CASS4: variants seen among roughly 807,000 people sequenced by gnomAD.
The protein encoded by CASS4 is cas scaffolding protein family member 4.
A neutral mutation model predicts 54.2 loss-of-function variants in CASS4; 22 were observed. The observed-to-expected ratio is 0.41, with a 90% CI of 0.29 to 0.58. The LOEUF (loss-of-function observed/expected upper bound fraction) is 0.58, where lower values mean the gene tolerates loss of function less well. Among genes scored for constraint, CASS4 ranks in the 20% least tolerant of loss-of-function variants. CASS4 has a pLI of 0.36. For synonymous variants in CASS4, 409 were observed against 391.5 expected (o/e 1.04, Z -0.53); for missense variants, 854 against 986.7 (o/e 0.87, Z 1.80).
chr20:56,443,086 G>A (rs575598035), intron 2 of CASS4, among the ~76,000 whole-genome samples: 2 of 151,738 alleles, frequency 1.3e-5, no homozygotes, highest in African/African-American at 4.9e-5. Flanking sequence ...AAAGCTTGGT[G>A]TGTTTCTGGG....
chr20:56,451,418 G>A (rs1980989872), intron 4 of CASS4, among the ~76,000 whole-genome samples: 1 of 152,184 alleles, frequency 6.6e-6, no homozygotes, highest in Non-Finnish European at 1.5e-5. Flanking sequence ...TTACACCCAA[G>A]GTCATTAGGG....
At chr20:56,429,609 C>T (rs766705059) in intron 1 of CASS4, among the ~76,000 whole-genome samples, 2 of 152,136 alleles carry the variant, frequency 1.3e-5, no homozygotes, top group African/African-American at 2.4e-5. Context: ...GCCCCCAACA[C>T]ATACATACAC....
chr20:56,446,989 CTT>C (rs1980745436), intron 3 of CASS4, among the ~76,000 whole-genome samples: 1 of 152,164 alleles, frequency 6.6e-6, no homozygotes, highest in African/African-American at 2.4e-5. Context: ...AGGAGGATCA[CTT>C]GACACTAGGA....
chr20:56,447,764 T>A (rs957379769), intron 3 of CASS4, among the ~76,000 whole-genome samples: 2 of 152,234 alleles, frequency 1.3e-5, no homozygotes, highest in Non-Finnish European at 2.9e-5. Context: ...AGCTCTTGTG[T>A]GAGCCATGCC....
At chr20:56,416,473 G>A (rs1309826028) in intron 1 of CASS4, among the ~76,000 whole-genome samples, 3 of 152,188 alleles carry the variant, frequency 2.0e-5, no homozygotes, top group African/African-American at 7.2e-5. Flanking sequence ...CGAAAATAGA[G>A]TCTGCAATGT....
intron 1 of CASS4, among the ~76,000 whole-genome samples, chr20:56,431,445 T>C (rs1257712595): frequency 6.6e-6 from 1 of 152,220 alleles, no homozygotes; most frequent in Non-Finnish European, 1.5e-5. Context: ...CGCCATACAG[T>C]GTTTCATTCA....
chr20:56,447,496 T>C (rs1051714451), intron 3 of CASS4, among the ~76,000 whole-genome samples: 1 of 152,210 alleles, frequency 6.6e-6, no homozygotes, highest in African/African-American at 2.4e-5. Flanking sequence ...CCTGCTCACC[T>C]GGTTCTGTTG....
rs1307068785 is a variant in CASS4 at position 56,445,894 on chromosome 20, T to C, written c.460-6T>C. The C allele has an allele frequency of 6.2e-7, 1 of 1,608,566 alleles. No homozygotes were observed. The highest frequency in any genetic ancestry group is 2.2e-5 in the East Asian group (1 of 44,874). On this transcript the variant is annotated splice_region_variant and splice_polypyrimidine_tract_variant and intron_variant, in intron 2 of 5. Coordinates refer to ENST00000679887, the MANE Select transcript of CASS4 (RefSeq NM_020356.4). ...TTTTCCTCTTTTCTCCTCCTTTCTC[T>C]CCAAGGCCATCCTCACGCTTCCCAG... is the stretch of plus-strand genomic sequence containing the variant.
intron 2 of CASS4, among the ~76,000 whole-genome samples, chr20:56,444,108 C>T (rs983510588): frequency 2.0e-5 from 3 of 152,122 alleles, no homozygotes; most frequent in Admixed American, 6.5e-5. Context: ...AGATGAATGG[C>T]GGGGTGGATT....
At chr20:56,448,370 G>C (rs1294245901) in intron 3 of CASS4, among the ~76,000 whole-genome samples, 2 of 152,088 alleles carry the variant, frequency 1.3e-5, no homozygotes, top group Admixed American at 1.3e-4. Flanking sequence ...CAAGGCAACT[G>C]CTTTGCTCTC....
rs745730930 is a variant in CASS4, at chr20:56,412,798, A to G, written c.36+304A>G. ...CTGAAGCAAGATGCGAGTCTGCCTC[A>G]GCCCCCGCTAATTCCTTCTTTCTCT... On this transcript the variant is annotated intron_variant, in intron 1 of 5. Coordinates refer to ENST00000679887, the MANE Select transcript of CASS4 (RefSeq NM_020356.4). The surrounding 1 kb of genome is among the most constrained non-coding windows in gnomAD (Gnocchi z 4.2). Among the ~76,000 whole-genome samples the G allele has an allele frequency of 3.3e-5, 5 of 152,176 alleles. No homozygotes were observed. Among genetic ancestry groups the G allele is most frequent in the Non-Finnish European group, 7.3e-5 (5 of 68,028 alleles).
chr20:56,435,104 G>T (rs867232423), intron 1 of CASS4, among the ~76,000 whole-genome samples: 12 of 152,194 alleles, frequency 7.9e-5, no homozygotes, highest in Non-Finnish European at 1.5e-4. Flanking sequence ...CTGGGTGCGT[G>T]AAGGATCTGA....
intron 5 of CASS4, among the ~76,000 whole-genome samples, chr20:56,456,453 A>G (rs561638204): frequency 1.3e-5 from 2 of 151,540 alleles, no homozygotes; most frequent in African/African-American, 2.4e-5. Flanking sequence ...AGCTCATTGC[A>G]ATCTCCGCCT....
chr20:56,437,708 T>C lies in CASS4; in HGVS notation c.459+122T>C. On this transcript the variant is annotated intron_variant, in intron 2 of 5. Transcript: ENST00000679887. This position sits in a 1 kb window ranked among gnomAD's most constrained non-coding sequence, Gnocchi z 4.7. ...CACGCAAAACGGGAGCCCAGATTGC[T>C]GGCAATCACGCTCGGGGAGCTTGTG... 1.1e-6 allele frequency: 1 copy of C among 921,054 alleles called. No individual in the cohort carries two copies. The highest frequency in any genetic ancestry group is 1.6e-6 in the Non-Finnish European group (1 of 638,846). The allele number at this position is 921,054 out of a possible 1,614,324, so 57.1% of individuals were successfully genotyped here.
chr20:56,412,224 G>A (rs75067914), upstream of CASS4: 10,971 of 534,742 alleles, frequency 0.021, 162 homozygotes, highest in South Asian at 0.037. The surrounding 1 kb of genome is among the most constrained non-coding windows in gnomAD (Gnocchi z 4.2). Context: ...CGTGAGTGTG[G>A]CTTGTATTTC....
intron 1 of CASS4, among the ~76,000 whole-genome samples, chr20:56,424,118 A>T (rs1336545728): frequency 6.6e-6 from 1 of 152,218 alleles, no homozygotes; most frequent in African/African-American, 2.4e-5. Flanking sequence ...CAAGAGAAAC[A>T]ACTGTCCTTT....
rs1980471731 is a variant in CASS4 at position 56,441,787 on chromosome 20, A to G, written c.460-4113A>G. Among the ~76,000 whole-genome samples the G allele has an allele frequency of 2.0e-5, 3 of 151,986 alleles. No individual in the cohort carries two copies. The South Asian group carries it at 6.2e-4, about 32-fold the overall frequency. ...TTTGTGTTTCTCCTTCCTCCTCTGT[A>G]TAGGGAGAAGGTTGGACCCCATCTT... On this transcript the variant is annotated intron_variant, in intron 2 of 5. Coordinates refer to ENST00000679887, the MANE Select transcript of CASS4 (RefSeq NM_020356.4).
rs1301458295 is a variant in CASS4 at position 56,458,483 on chromosome 20, C to T, written c.2097C>T (p.Pro699=). 8 of 1,614,056 alleles carry T rather than the reference C, an allele frequency of 5.0e-6. No homozygotes were observed. Among genetic ancestry groups the T allele is most frequent in the South Asian group, 1.1e-5 (1 of 91,090 alleles). The change falls in exon 6 of 6, where the codon CCC becomes CCT. Residue 699 remains proline, a synonymous_variant. Transcript: ENST00000679887. Reference sequence around the variant, plus strand: ...ACGGCAGCCTCAGCAGCAGCCAGCCCGCGGAGATCATCACTCAGAGCAAGC... The same window carrying T: ...ACGGCAGCCTCAGCAGCAGCCAGCCTGCGGAGATCATCACTCAGAGCAAGC... ...AFHGSLSSSQ[P]AEIITQSKLV... is the part of the protein sequence containing the mutation.
chr20:56,455,824 G>C (rs1028423437), intron 5 of CASS4, among the ~76,000 whole-genome samples: 1 of 152,052 alleles, frequency 6.6e-6, no homozygotes, highest in Non-Finnish European at 1.5e-5. Context: ...CCAGCTACTC[G>C]GGAGGCTGAG....
Sources: gnomAD v4.1 joint callset for allele counts (sites outside exome capture counted in the v4.1 genomes callset) on GRCh38, gnomAD v4.1.1 for gene constraint, Gnocchi (gnomAD v3.1) non-coding constraint, MANE v1.5 for transcripts, NCBI Gene and HGNC (gene_info 2026-07-23, HGNC 2026-07-21) for gene names.